Variants in AOPEP observed in about 807,000 individuals in gnomAD.
AOPEP encodes the protein aminopeptidase O.
AOPEP carries 77 observed loss-of-function variants against 98.1 expected under a neutral mutation model. The observed-to-expected ratio is 0.78, with a 90% CI of 0.65 to 0.95. AOPEP has a LOEUF of 0.95. AOPEP is among the 40% of genes least tolerant of loss of function. AOPEP has a pLI of 0.00. For synonymous variants in AOPEP, 346 were observed against 365.3 expected (o/e 0.95, Z 0.60); for missense variants, 1,024 against 1,024.7 (o/e 1.00, Z 0.01).
At chr9:95,093,410 C>T in the AOPEP span, among the ~76,000 whole-genome samples, 6 of 152,180 alleles carry the variant, frequency 3.9e-5, no homozygotes, top group Non-Finnish European at 7.3e-5. Flanking sequence ...GACTACGGTG[C>T]AAGGATCAGA....
At chr9:94,892,489 G>T in intron 5 of AOPEP, among the ~76,000 whole-genome samples, 1 of 152,222 alleles carries the variant, frequency 6.6e-6, no homozygotes, top group Non-Finnish European at 1.5e-5. Flanking sequence ...AGCAGGCCCA[G>T]AAAGGGGCAG....
the AOPEP span, among the ~76,000 whole-genome samples, chr9:95,138,052 G>C: frequency 6.6e-6 from 1 of 152,252 alleles, no homozygotes; most frequent in African/African-American, 2.4e-5. Context: ...AGTGGGAAAG[G>C]CTGAAAAGCA....
chr9:94,738,758 T>C (rs1832372813), intron 1 of AOPEP, among the ~76,000 whole-genome samples: 1 of 151,814 alleles, frequency 6.6e-6, no homozygotes, highest in Non-Finnish European at 1.5e-5. Context: ...GTATTTTTAG[T>C]AGAGACGGGG....
chr9:95,117,746 G>A, the AOPEP span, among the ~76,000 whole-genome samples: 8 of 137,342 alleles, frequency 5.8e-5, no homozygotes, highest in Admixed American at 5.4e-4. Flanking sequence ...TTTTTGAAAC[G>A]GAGTTTTGCT....
At chr9:94,825,957 T>C (rs775482548) in intron 5 of AOPEP, among the ~76,000 whole-genome samples, 35 of 152,228 alleles carry the variant, frequency 2.3e-4, no homozygotes, top group Non-Finnish European at 4.7e-4. Context: ...TAACTGTTGT[T>C]ACAAGGATTC....
At chr9:94,742,635 A>G (rs911402394) in intron 1 of AOPEP, among the ~76,000 whole-genome samples, 1 of 151,932 alleles carries the variant, frequency 6.6e-6, no homozygotes, top group Non-Finnish European at 1.5e-5. Flanking sequence ...GGGTTTCACC[A>G]TGTTGGCCAG....
the AOPEP span, among the ~76,000 whole-genome samples, chr9:95,116,083 A>T: frequency 6.6e-6 from 1 of 152,280 alleles, no homozygotes; most frequent in Non-Finnish European, 1.5e-5. Flanking sequence ...ACATAAATCT[A>T]CAAGTTACAC....
At chr9:94,910,189 T>C (rs2051812839) in intron 5 of AOPEP, among the ~76,000 whole-genome samples, 2 of 152,164 alleles carry the variant, frequency 1.3e-5, no homozygotes, top group South Asian at 4.1e-4. Flanking sequence ...AGTCCTGCAT[T>C]AGAAGCAGCC....
At chr9:94,869,864 C>T (rs1053948685) in intron 5 of AOPEP, among the ~76,000 whole-genome samples, 1 of 151,842 alleles carries the variant, frequency 6.6e-6, no homozygotes, top group African/African-American at 2.4e-5. Flanking sequence ...AAGTGTGACC[C>T]TTTGATAGGA....
intron 5 of AOPEP, among the ~76,000 whole-genome samples, chr9:94,803,266 G>A (rs1848572284): frequency 6.6e-6 from 1 of 152,122 alleles, no homozygotes; most frequent in South Asian, 2.1e-4. Context: ...AAACATGTAT[G>A]CAAGATCGTA....
chr9:94,756,638 T>C (rs1837119534), intron 1 of AOPEP, among the ~76,000 whole-genome samples: 1 of 152,182 alleles, frequency 6.6e-6, no homozygotes, highest in South Asian at 2.1e-4. Flanking sequence ...CTTCTCATGT[T>C]TCCTTCCTTG....
At chr9:95,078,047 G>A (rs1183159555) in intron 14 of AOPEP, among the ~76,000 whole-genome samples, 2 of 152,120 alleles carry the variant, frequency 1.3e-5, no homozygotes, top group Non-Finnish European at 2.9e-5. Flanking sequence ...TGATGGGGTG[G>A]GAAAGGGAGT....
the AOPEP span, among the ~76,000 whole-genome samples, chr9:95,096,280 G>C: frequency 6.6e-6 from 1 of 152,230 alleles, no homozygotes; most frequent in Non-Finnish European, 1.5e-5. Context: ...AACCTAGGCA[G>C]TGAGTAGCGG....
intron 2 of AOPEP, among the ~76,000 whole-genome samples, chr9:94,765,698 G>T (rs939900892): frequency 2.0e-5 from 3 of 151,956 alleles, no homozygotes; most frequent in Non-Finnish European, 4.4e-5. Context: ...ATGTGGCAGG[G>T]TTCTCTGGAG....
intron 5 of AOPEP, among the ~76,000 whole-genome samples, chr9:94,844,858 A>G (rs575421107): frequency 1.3e-5 from 2 of 152,288 alleles, no homozygotes; most frequent in South Asian, 4.1e-4. Context: ...TTCAGGTGGG[A>G]TGGTATGGTA....
downstream of AOPEP, among the ~76,000 whole-genome samples, chr9:95,087,648 C>G (rs1041633853): frequency 2.6e-5 from 4 of 152,170 alleles, no homozygotes; most frequent in Non-Finnish European, 5.9e-5. Context: ...GGGGCACCCT[C>G]TTCCGATAAA....
intron 7 of AOPEP, among the ~76,000 whole-genome samples, chr9:94,941,742 G>C (rs1483446231): frequency 6.6e-6 from 1 of 152,126 alleles, no homozygotes; most frequent in African/African-American, 2.4e-5. Flanking sequence ...TTCTAAGGGG[G>C]AGAGAATTCT....
chr9:94,940,808 C>G (rs924516766), intron 7 of AOPEP, among the ~76,000 whole-genome samples: 2 of 152,080 alleles, frequency 1.3e-5, no homozygotes, highest in Admixed American at 6.6e-5. Context: ...CTCGTCCCCT[C>G]ATGTCCGCAT....
At chr9:94,774,979 C>G (rs1841759297) in intron 3 of AOPEP, among the ~76,000 whole-genome samples, 1 of 152,104 alleles carries the variant, frequency 6.6e-6, no homozygotes. Flanking sequence ...ATTTTTTATA[C>G]TGAAGACCTA....
Sources: gnomAD v4.1 joint callset for allele counts (sites outside exome capture counted in the v4.1 genomes callset) on GRCh38, gnomAD v4.1.1 for gene constraint, MANE v1.5 for transcripts, NCBI Gene and HGNC (gene_info 2026-07-23, HGNC 2026-07-21) for gene names.